Variants in MPHOSPH8 observed in about 807,000 individuals in gnomAD.
MPHOSPH8 encodes M-phase phosphoprotein 8.
A neutral mutation model predicts 87.3 loss-of-function variants in MPHOSPH8; 45 were observed. The ratio of observed to expected loss-of-function variants is 0.52; its 90% CI spans 0.41 to 0.66. The LOEUF (loss-of-function observed/expected upper bound fraction) is 0.66. MPHOSPH8 is among the 30% of genes least tolerant of loss of function. The probability of loss-of-function intolerance (pLI) is 0.00; values close to 1 mark genes in which losing one functional copy is unlikely to be tolerated. For missense variants in MPHOSPH8, 883 were observed against 1,020.2 expected (o/e 0.87, Z 1.83); for synonymous variants, 366 against 376.9 (o/e 0.97, Z 0.33).
At chr13:19,662,229 G>A (rs772803490) in intron 8 of MPHOSPH8, among the ~76,000 whole-genome samples, 7 of 152,112 alleles carry the variant, frequency 4.6e-5, no homozygotes, top group South Asian at 4.1e-4. Context: ...GTGAGCCACC[G>A]CGCCTGGCTG....
At chr13:19,641,656 C>T (rs1296152544) in intron 1 of MPHOSPH8, among the ~76,000 whole-genome samples, 2 of 151,516 alleles carry the variant, frequency 1.3e-5, no homozygotes. Context: ...CCACACCCAG[C>T]TAATTTTTTT....
At chr13:19,642,035 C>G in intron 1 of MPHOSPH8, 80 bp from the exon 2 acceptor site, 1 of 934,958 alleles carries the variant, frequency 1.1e-6, no homozygotes, top group Non-Finnish European at 1.5e-6. Flanking sequence ...CATGTCTTCT[C>G]ATCAGTTTTT....
intron 13 of MPHOSPH8, 56 bp downstream of exon 13, chr13:19,671,345 CTTTATCAACATTAGAAAAAAAA>C: frequency 6.7e-7 from 1 of 1,498,454 alleles, no homozygotes; most frequent in Non-Finnish European, 9.3e-7. Context: ...CTCCAGATTA[CTTTATCAACATTAGAAAAAAAA>C]TTCCAAGAAT....
rs770024607 is a variant in MPHOSPH8 at position 19,671,298 on chromosome 13, CCTTT to C, written c.2541+13_2541+16del. 2.2e-5 allele frequency: 35 copies of C among 1,602,964 alleles called. No individual in the cohort carries two copies. Among genetic ancestry groups the C allele is most frequent in the African/African-American group, 5.4e-5 (4 of 74,620 alleles). On this transcript the variant is annotated intron_variant, in intron 13 of 13. Coordinates refer to ENST00000361479, the MANE Select transcript of MPHOSPH8 (RefSeq NM_017520.4). The stretch of plus-strand genomic sequence containing the variant: ...AAGCACCCTCTGCCAAGGTGACAGT[CCTTT>C]CTTCACATTTAGTGTCACTACTCAA...
At chr13:19,656,643 C>A (rs1453440494) in intron 5 of MPHOSPH8, among the ~76,000 whole-genome samples, 1 of 151,114 alleles carries the variant, frequency 6.6e-6, no homozygotes, top group Non-Finnish European at 1.5e-5. Context: ...GTCTGTAATC[C>A]CAGCTACTCG....
chr13:19,673,336 A>G lies in MPHOSPH8; in HGVS notation c.*1461A>G. On this transcript the variant is annotated 3_prime_UTR_variant, in exon 14 of 14. Coordinates refer to ENST00000361479, the MANE Select transcript of MPHOSPH8 (RefSeq NM_017520.4). ...TTGTATGAAATACGATTTTAATGAA[A>G]ACTTTTCAGAATTCACGTTTGTGTA... 1 of 298,638 alleles carries G rather than the reference A, an allele frequency of 3.3e-6. No individual in the cohort carries two copies. Among genetic ancestry groups the G allele is most frequent in the Non-Finnish European group, 6.7e-6 (1 of 150,294 alleles). The allele number at this position is 298,638 out of a possible 1,614,324, so 18.5% of individuals were successfully genotyped here.
intron 13 of MPHOSPH8, among the ~76,000 whole-genome samples, chr13:19,671,568 G>A (rs186198985): frequency 2.5e-4 from 38 of 152,326 alleles, no homozygotes; most frequent in Admixed American, 2.1e-3. Context: ...GTTGCCAAAT[G>A]TATGTCTTTA....
Position 19,633,774 on chromosome 13 carries a change from G to T in MPHOSPH8, c.26G>T (p.Arg9Met). The part of the protein sequence containing the change: MEQVAEGA[R>M]VTAVPVSAAD... The stretch of plus-strand genomic sequence containing the variant: ...ATGGAGCAGGTTGCGGAGGGAGCAA[G>T]GGTGACCGCAGTCCCTGTGTCAGCT... Residue 9 changes from arginine (R) to methionine (M), a missense_variant, in exon 1 of 14, where the codon AGG (arginine) becomes ATG (methionine). Arg to Met is a moderately conservative substitution (Grantham distance 91). Transcript: ENST00000361479. The T allele has an allele frequency of 6.2e-7, 1 of 1,603,338 alleles. No homozygotes were observed. The highest frequency in any genetic ancestry group is 8.5e-7 in the Non-Finnish European group (1 of 1,175,652).
At chr13:19,660,315 T>C (rs1393127825) in intron 7 of MPHOSPH8, among the ~76,000 whole-genome samples, 1 of 152,018 alleles carries the variant, frequency 6.6e-6, no homozygotes, top group East Asian at 1.9e-4. Flanking sequence ...TCTCCCTAGA[T>C]TTTAGGTTTG....
At chr13:19,656,330 T>TA in intron 5 of MPHOSPH8, among the ~76,000 whole-genome samples, 1 of 143,268 alleles carries the variant, frequency 7.0e-6, no homozygotes, top group Middle Eastern at 3.8e-3. Flanking sequence ...ATTAAAAACC[T>TA]AAAATCTACA....
intron 1 of MPHOSPH8, among the ~76,000 whole-genome samples, chr13:19,639,637 A>G (rs1043525193): frequency 4.6e-5 from 7 of 152,118 alleles, no homozygotes; most frequent in African/African-American, 9.7e-5. Flanking sequence ...AAGCAAGAGC[A>G]TAATTAGATA....
At chr13:19,644,090 G>A (rs1296294458) in intron 2 of MPHOSPH8, among the ~76,000 whole-genome samples, 1 of 152,118 alleles carries the variant, frequency 6.6e-6, no homozygotes, top group African/African-American at 2.4e-5. Flanking sequence ...TATATGCACT[G>A]TTTAATGTTC....
chr13:19,649,973 C>T (rs993473169), intron 4 of MPHOSPH8, 30 bp from the exon 5 acceptor site: 6 of 1,506,544 alleles, frequency 4.0e-6, no homozygotes, highest in African/African-American at 1.4e-5. Context: ...GTGACTCATA[C>T]TTAACCATCT....
chr13:19,650,386 C>G (rs1874780491), intron 5 of MPHOSPH8, 126 bp downstream of exon 5: 2 of 1,098,512 alleles, frequency 1.8e-6, no homozygotes, highest in South Asian at 3.7e-5. Flanking sequence ...ATTTGGATCT[C>G]CTGAATAAAT....
chr13:19,660,866 G>T, intron 7 of MPHOSPH8: 1 of 938,536 alleles, frequency 1.1e-6, no homozygotes, highest in Non-Finnish European at 1.3e-6. Context: ...TTTCTAGGTA[G>T]AAAATTTGAT....
chr13:19,657,433 A>C (rs1875250240), intron 5 of MPHOSPH8, among the ~76,000 whole-genome samples: 1 of 151,428 alleles, frequency 6.6e-6, no homozygotes, highest in Non-Finnish European at 1.5e-5. Context: ...GCTTGAGCAA[A>C]ACATAGCTCA....
chr13:19,654,348 G>A (rs1167923712), intron 5 of MPHOSPH8, among the ~76,000 whole-genome samples: 1 of 152,130 alleles, frequency 6.6e-6, no homozygotes, highest in East Asian at 1.9e-4. Context: ...GCTCCGGGAG[G>A]GATAGCATTA....
At chr13:19,634,042 G>A (rs1483145859) in intron 1 of MPHOSPH8, 81 bp downstream of exon 1, 2 of 1,418,566 alleles carry the variant, frequency 1.4e-6, no homozygotes, top group Non-Finnish European at 9.8e-7. Flanking sequence ...AACAGCACGG[G>A]CAGACCCAAA....
Position 19,633,708 on chromosome 13 carries a change from G to C in MPHOSPH8, c.-41G>C. 1 of 1,553,142 alleles carries C rather than the reference G, an allele frequency of 6.4e-7. No homozygotes were observed. Among genetic ancestry groups the C allele is most frequent in the South Asian group, 1.2e-5 (1 of 84,496 alleles). ...AACGCGAGGGGCTGCTGGGGTGTTT[G>C]TCGCAGCGGGTTTTCCTCGGCGGTT... On this transcript the variant is annotated 5_prime_UTR_variant, in exon 1 of 14. Transcript: ENST00000361479.
Sources: allele counts gnomAD v4.1 joint callset (sites outside exome capture counted in the v4.1 genomes callset), GRCh38; gene constraint gnomAD v4.1.1; transcripts MANE v1.5; gene names NCBI Gene and HGNC (gene_info 2026-07-23, HGNC 2026-07-21).